The following TMEM131 variants were observed in gnomAD, a reference collection of about 807,000 sequenced individuals.
The protein encoded by TMEM131 is 2610524E03Rik.
Under a neutral mutation model 211.6 loss-of-function variants are expected in TMEM131, and 66 were observed. The ratio of observed to expected loss-of-function variants is 0.31; its 90% CI spans 0.26 to 0.38. The LOEUF (loss-of-function observed/expected upper bound fraction) is 0.38, where lower values mean the gene tolerates loss of function less well. Ranked by LOEUF, TMEM131 falls within the 10% of genes least tolerant of loss-of-function variation. The pLI, the probability that TMEM131 is intolerant of heterozygous loss-of-function variation, is 1.00. For synonymous variants in TMEM131, 844 were observed against 841.3 expected (o/e 1.00, Z -0.06); for missense variants, 2,036 against 2,299.3 (o/e 0.89, Z 2.34).
intron 5 of TMEM131, among the ~76,000 whole-genome samples, chr2:97,846,891 T>C (rs114898384): frequency 0.027 from 4,152 of 152,184 alleles, 58 homozygotes; most frequent in Middle Eastern, 0.065. Flanking sequence ...GTATTGGACG[T>C]GCAAAGAGGG....
At chr2:97,969,375 C>T (rs780132708) in intron 1 of TMEM131, among the ~76,000 whole-genome samples, 1 of 152,150 alleles carries the variant, frequency 6.6e-6, no homozygotes, top group Non-Finnish European at 1.5e-5. Context: ...CATGTTTGGG[C>T]CCTTCTGCCC....
chr2:97,853,432 T>TAA (rs55752619), intron 5 of TMEM131, among the ~76,000 whole-genome samples: 116 of 90,380 alleles, frequency 1.3e-3, no homozygotes, highest in Non-Finnish European at 1.3e-3. Context: ...CCATCTCTAC[T>TAA]AAAAAAAAAA....
At chr2:97,972,504 G>A (rs1485920476) in intron 1 of TMEM131, among the ~76,000 whole-genome samples, 1 of 150,898 alleles carries the variant, frequency 6.6e-6, no homozygotes, top group Admixed American at 6.6e-5. Flanking sequence ...AGGCAGGCGG[G>A]CAGGCAGGCA....
chr2:97,804,942 G>T, intron 22 of TMEM131, 146 bp downstream of exon 22: 2 of 551,384 alleles, frequency 3.6e-6, no homozygotes, highest in Non-Finnish European at 6.4e-6. Flanking sequence ...AATTTAAGAT[G>T]CCTCACTAAT....
At chr2:97,962,859 G>A (rs762827242) in intron 1 of TMEM131, among the ~76,000 whole-genome samples, 3 of 152,146 alleles carry the variant, frequency 2.0e-5, no homozygotes, top group Non-Finnish European at 4.4e-5. Context: ...TAAATGTAAC[G>A]TGAATTTCAA....
At chr2:97,837,892 C>T (rs1162340272) in intron 7 of TMEM131, among the ~76,000 whole-genome samples, 1 of 152,222 alleles carries the variant, frequency 6.6e-6, no homozygotes, top group Non-Finnish European at 1.5e-5. Flanking sequence ...TTCTCTGTCC[C>T]TTCCTATTTC....
intron 4 of TMEM131, among the ~76,000 whole-genome samples, chr2:97,880,471 G>A (rs1674880154): frequency 6.6e-6 from 1 of 152,158 alleles, no homozygotes; most frequent in Non-Finnish European, 1.5e-5. Flanking sequence ...TGAGTTAAGA[G>A]GAGAGGGGTA....
intron 4 of TMEM131, among the ~76,000 whole-genome samples, chr2:97,862,137 C>A (rs1193711693): frequency 6.6e-6 from 1 of 152,234 alleles, no homozygotes; most frequent in African/African-American, 2.4e-5. Flanking sequence ...CAAGATGGTA[C>A]TTCTACAAGT....
intron 4 of TMEM131, among the ~76,000 whole-genome samples, chr2:97,868,728 G>C (rs1674370961): frequency 6.6e-6 from 1 of 152,172 alleles, no homozygotes; most frequent in East Asian, 1.9e-4. Flanking sequence ...TTTGGGTCCT[G>C]AGGCAGTGAT....
At position 97,837,079 on chromosome 2, in the gene TMEM131, A is replaced by C; in HGVS notation, c.802T>G (p.Trp268Gly). ...GAGAAAACTAGGTTACAACTCACCCACAGTTTTCTGGTACCTCCTTGTTGA... is the reference window on the plus strand; with the variant it reads ...GAGAAAACTAGGTTACAACTCACCCCCAGTTTTCTGGTACCTCCTTGTTGA... ...TGQQGGTRKL[W>G]EIPPYETKGV... The change falls in exon 8 of 41, where the codon TGG (tryptophan) becomes GGG (glycine). Residue 268 changes from tryptophan to glycine, a missense_variant and splice_region_variant. Physicochemically the swap from Trp to Gly is radical, Grantham distance 184. Transcript: ENST00000186436. 1 of 1,612,646 alleles carries C rather than the reference A, an allele frequency of 6.2e-7. No individual in the cohort carries two copies. Among genetic ancestry groups the C allele is most frequent in the Non-Finnish European group, 8.5e-7 (1 of 1,179,166 alleles).
chr2:97,825,010 T>G (rs1378499360), intron 11 of TMEM131, among the ~76,000 whole-genome samples: 1 of 152,238 alleles, frequency 6.6e-6, no homozygotes, highest in Non-Finnish European at 1.5e-5. Context: ...AATGGTTCAC[T>G]GTTCTGGACC....
At chr2:97,851,116 C>G (rs540174597) in intron 5 of TMEM131, among the ~76,000 whole-genome samples, 1 of 151,952 alleles carries the variant, frequency 6.6e-6, no homozygotes, top group East Asian at 1.9e-4. Context: ...GGGCTTTTTC[C>G]TTCCTTGGTG....
chr2:97,972,157 G>A (rs180745924), intron 1 of TMEM131, among the ~76,000 whole-genome samples: 7 of 152,246 alleles, frequency 4.6e-5, no homozygotes, highest in South Asian at 2.1e-4. Flanking sequence ...GCAGTGAGCC[G>A]AGATCTGCCA....
In TMEM131 at chr2:97,818,519, C is replaced by T. The variant is rs984717150; in HGVS notation, c.1183+94G>A. The T allele has an allele frequency of 6.1e-6, 3 of 495,564 alleles. No homozygotes were observed. The South Asian group carries it at 6.5e-5, about 11-fold the overall frequency. 30.7% of individuals were successfully genotyped at this position (495,564 alleles called of 1,614,324 possible). A position where few individuals can be genotyped will look rare whatever the true frequency, so the allele number is the denominator to read the frequency against. ...AGTAATATAAATTCTGATGGTAAAACAGTTTGGATTTTTATATTAAGACGT... is the reference window on the plus strand; with the variant it reads ...AGTAATATAAATTCTGATGGTAAAATAGTTTGGATTTTTATATTAAGACGT... On this transcript the variant is annotated intron_variant, in intron 12 of 40. Transcript: ENST00000186436.
intron 1 of TMEM131, among the ~76,000 whole-genome samples, chr2:97,990,706 T>C (rs1573663084): frequency 6.6e-6 from 1 of 152,270 alleles, no homozygotes. Flanking sequence ...TGTCCTACTA[T>C]AGCAGACTTC....
At chr2:97,939,083 TC>T (rs1439877728) in intron 1 of TMEM131, among the ~76,000 whole-genome samples, 1 of 152,052 alleles carries the variant, frequency 6.6e-6, no homozygotes, top group African/African-American at 2.4e-5. Flanking sequence ...GCAGGAAAGA[TC>T]TAAAATTGAC....
Position 97,772,400 on chromosome 2 carries a change from G to C in TMEM131, c.4345C>G (p.Gln1449Glu). 6.2e-7 allele frequency: 1 copy of C among 1,611,520 alleles called. No homozygotes were observed. The highest frequency in any genetic ancestry group is 1.1e-5 in the South Asian group (1 of 90,034). ...KEDTEKQKGK[Q>E]AMPEKHESEM... ...CTTTCATGTTTTTCAGGCATGGCTT[G>C]TTTTCCCTTTTGCTTTTCTGTATCC... The change falls in exon 33 of 41, where the codon CAA (glutamine) becomes GAA (glutamate). Residue 1449 changes from glutamine (Q) to glutamate (E), a missense_variant. By Grantham distance (29) the Gln-to-Glu change is conservative. Around this residue, in one of 3 missense-constraint regions of TMEM131, gnomAD observed 1,623 missense variants for 1,805.9 expected, o/e 0.90. Transcript: ENST00000186436.
At chr2:97,835,736 C>T (rs1040396948) in intron 8 of TMEM131, among the ~76,000 whole-genome samples, 6 of 152,146 alleles carry the variant, frequency 3.9e-5, no homozygotes, top group Non-Finnish European at 8.8e-5. Context: ...AGGGATGGAC[C>T]ATCCACTCCC....
At chr2:97,800,118 T>C (rs1443799726) in intron 25 of TMEM131, among the ~76,000 whole-genome samples, 1 of 152,204 alleles carries the variant, frequency 6.6e-6, no homozygotes, top group Admixed American at 6.5e-5. Flanking sequence ...GTTTCTAATA[T>C]GGCAAAACAC....
Sources: allele counts gnomAD v4.1 joint callset (sites outside exome capture counted in the v4.1 genomes callset), GRCh38; gene constraint gnomAD v4.1.1; regional missense constraint gnomAD v4.1.1; transcripts MANE v1.5; gene names NCBI Gene and HGNC (gene_info 2026-07-23, HGNC 2026-07-21).